CNIH3: variants seen among roughly 807,000 people sequenced by gnomAD.
CNIH3 encodes cornichon family AMPA receptor auxiliary protein 3.
Under a neutral mutation model 24.1 loss-of-function variants are expected in CNIH3, and 14 were observed. That is an observed-to-expected ratio of 0.58 (90% CI 0.38 to 0.91). CNIH3 has a LOEUF of 0.91. CNIH3 is among the 40% of genes least tolerant of loss of function. CNIH3 has a pLI of 0.00. For synonymous variants in CNIH3, 68 were observed against 73.8 expected, an observed-to-expected ratio of 0.92 and a Z score of 0.40; for missense variants, 178 against 196.8, an observed-to-expected ratio of 0.90 and a Z score of 0.57.
At chr1:224,601,450 G>A (rs990902589) in intron 3 of CNIH3, among the ~76,000 whole-genome samples, 2 of 152,112 alleles carry the variant, frequency 1.3e-5, no homozygotes, top group African/African-American at 2.4e-5. Flanking sequence ...AGATCTTATC[G>A]GGAAGCTGTT....
chr1:224,535,929 G>A (rs973439900), intron 2 of CNIH3, among the ~76,000 whole-genome samples: 4 of 152,244 alleles, frequency 2.6e-5, no homozygotes, highest in Non-Finnish European at 5.9e-5. Context: ...AGGCAGGGAG[G>A]GAGCTAGAAG....
intron 1 of CNIH3, among the ~76,000 whole-genome samples, chr1:224,503,702 A>G (rs1677781277): frequency 6.6e-6 from 1 of 152,224 alleles, no homozygotes; most frequent in African/African-American, 2.4e-5. Context: ...CTCCCCCAGG[A>G]GAGGCAGCAG....
At chr1:224,493,152 T>G (rs1677299145) in intron 1 of CNIH3, among the ~76,000 whole-genome samples, 1 of 152,228 alleles carries the variant, frequency 6.6e-6, no homozygotes, top group African/African-American at 2.4e-5. Flanking sequence ...TTCCTTCTTT[T>G]TATTTTTTGT....
chr1:224,507,711 T>C (rs554187145), intron 1 of CNIH3, among the ~76,000 whole-genome samples: 1 of 152,342 alleles, frequency 6.6e-6, no homozygotes, highest in East Asian at 1.9e-4. Context: ...AGTTGGATTC[T>C]TGCTGAACTG....
At chr1:224,475,692 C>T (rs772218990) in intron 1 of CNIH3, among the ~76,000 whole-genome samples, 13 of 152,038 alleles carry the variant, frequency 8.6e-5, no homozygotes, top group Non-Finnish European at 1.3e-4. Context: ...TCAAATGATT[C>T]CAAAAAATAG....
intron 1 of CNIH3, among the ~76,000 whole-genome samples, chr1:224,481,775 A>G (rs1676822388): frequency 6.6e-6 from 1 of 152,156 alleles, no homozygotes; most frequent in African/African-American, 2.4e-5. Flanking sequence ...TGTTTGCTGA[A>G]GGCCCTAGGG....
At chr1:224,618,250 C>G (rs956307504) in intron 1 of CNIH3, among the ~76,000 whole-genome samples, 3 of 152,246 alleles carry the variant, frequency 2.0e-5, no homozygotes, top group Non-Finnish European at 4.4e-5. Flanking sequence ...CCTCAGAGGG[C>G]TGGTGGGAAG....
At chr1:224,468,221 A>G (rs77995577) in intron 1 of CNIH3, among the ~76,000 whole-genome samples, 3,686 of 152,318 alleles carry the variant, frequency 0.024, 70 homozygotes, top group Non-Finnish European at 0.038. Flanking sequence ...ATTTATATCT[A>G]TAAGAAGCCT....
At chr1:224,468,845 A>G (rs999655011) in intron 1 of CNIH3, among the ~76,000 whole-genome samples, 8 of 151,686 alleles carry the variant, frequency 5.3e-5, no homozygotes, top group Middle Eastern at 3.4e-3. Flanking sequence ...AAAAAAAAAG[A>G]AAGAATGGTG....
At chr1:224,560,610 T>C (rs1680326090) in intron 3 of CNIH3, among the ~76,000 whole-genome samples, 1 of 151,970 alleles carries the variant, frequency 6.6e-6, no homozygotes, top group South Asian at 2.1e-4. Flanking sequence ...GAGCTGTGCA[T>C]GCAAGAGATC....
At chr1:224,552,797 C>T (rs1007993232) in intron 3 of CNIH3, among the ~76,000 whole-genome samples, 14 of 150,624 alleles carry the variant, frequency 9.3e-5, no homozygotes, top group South Asian at 6.3e-4. Context: ...AATATATCTC[C>T]GTTAGATACT....
In CNIH3 at chr1:224,460,337, G is replaced by A. The variant is rs548076854; in HGVS notation, n.203+25475G>A. 2.0e-5 allele frequency among the ~76,000 whole-genome samples: 3 copies of A among 152,296 alleles called. No individual in the cohort carries two copies. The South Asian group carries it at 6.2e-4, about 32-fold the overall frequency. Reference sequence around the variant, plus strand: ...TGTGAAACTGTCACCACAATCAACAGGGGGATCATATCCATCACCCACAAA... The same window carrying A: ...TGTGAAACTGTCACCACAATCAACAAGGGGATCATATCCATCACCCACAAA... On this transcript the variant is annotated intron_variant and non_coding_transcript_variant, in intron 1 of 5. Transcript: ENST00000471578.
At chr1:224,584,467 C>T (rs1023479275) in intron 5 of CNIH3, among the ~76,000 whole-genome samples, 1 of 152,152 alleles carries the variant, frequency 6.6e-6, no homozygotes, top group Non-Finnish European at 1.5e-5. Flanking sequence ...CTATCACAAA[C>T]CCTTTATGCC....
chr1:224,733,748 C>T (rs150092646), intron 4 of CNIH3, among the ~76,000 whole-genome samples: 1 of 152,172 alleles, frequency 6.6e-6, no homozygotes, highest in African/African-American at 2.4e-5. Flanking sequence ...AAAAGGAACT[C>T]ACTGAGAGAT....
intron 1 of CNIH3, among the ~76,000 whole-genome samples, chr1:224,500,179 ATT>A (rs532888387): frequency 6.9e-6 from 1 of 145,424 alleles, no homozygotes. Flanking sequence ...AATTAAAACA[ATT>A]TTTTTTTTTT....
At chr1:224,525,127 T>C (rs1404006734) in intron 2 of CNIH3, among the ~76,000 whole-genome samples, 1 of 152,216 alleles carries the variant, frequency 6.6e-6, no homozygotes, top group East Asian at 1.9e-4. Flanking sequence ...TATGTTTTAG[T>C]TGCACGGACC....
downstream of CNIH3, chr1:224,537,720 G>C (rs1170701029): frequency 6.6e-6 from 1 of 152,090 alleles, no homozygotes; most frequent in African/African-American, 2.4e-5. Context: ...CACATATAAA[G>C]CACTGTATGC....
chr1:224,516,373 T>C (rs930476275), intron 1 of CNIH3, among the ~76,000 whole-genome samples: 1 of 149,492 alleles, frequency 6.7e-6, no homozygotes, highest in Non-Finnish European at 1.5e-5. Flanking sequence ...CATAAAGCCC[T>C]TCACAGCTCA....
intron 1 of CNIH3, among the ~76,000 whole-genome samples, chr1:224,495,299 C>T (rs1188556563): frequency 2.0e-5 from 3 of 152,188 alleles, no homozygotes; most frequent in Non-Finnish European, 4.4e-5. Context: ...GGAGAGGGTC[C>T]CAGGACATGC....
Sources: gnomAD v4.1 joint callset for allele counts (sites outside exome capture counted in the v4.1 genomes callset) on GRCh38, gnomAD v4.1.1 for gene constraint, MANE v1.5 for transcripts, NCBI Gene and HGNC (gene_info 2026-07-23, HGNC 2026-07-21) for gene names.